The following DOCK7 variants were observed in gnomAD, a reference collection of about 807,000 sequenced individuals.
The protein encoded by DOCK7 is dedicator of cytokinesis protein 7.
Under a neutral mutation model 271.0 loss-of-function variants are expected in DOCK7, and 138 were observed. That is an observed-to-expected ratio of 0.51 (90% CI 0.44 to 0.59). The LOEUF is 0.59. DOCK7 is among the 20% of genes least tolerant of loss of function. The pLI, the probability that DOCK7 is intolerant of heterozygous loss-of-function variation, is 0.00. For synonymous variants in DOCK7, 823 were observed against 876.1 expected (o/e 0.94, Z 1.07); for missense variants, 2,066 against 2,592.4 (o/e 0.80, Z 4.41).
Position 62,521,316 on chromosome 1 carries a change from A to G in DOCK7, c.3936+6835T>C, listed in dbSNP as rs531611150. ...TAACTAAACAATCAAAGAAAAATGCATAGGCTGAAAATACATATCAAAAAA... is the reference window on the plus strand; with the variant it reads ...TAACTAAACAATCAAAGAAAAATGCGTAGGCTGAAAATACATATCAAAAAA... On this transcript the variant is annotated intron_variant, in intron 31 of 49. Coordinates refer to ENST00000635253, the MANE Select transcript of DOCK7 (RefSeq NM_001367561.1). Among the ~76,000 whole-genome samples the G allele has an allele frequency of 2.6e-5, 4 of 152,320 alleles. No homozygotes were observed. The South Asian group carries it at 8.3e-4, about 32-fold the overall frequency.
chr1:62,597,766 A>C (rs772332226), intron 14 of DOCK7: 1 of 1,613,596 alleles, frequency 6.2e-7, no homozygotes. Flanking sequence ...ACGAAGGGCC[A>C]AATTAATGAC....
chr1:62,580,208 A>G (rs751622407), intron 16 of DOCK7, among the ~76,000 whole-genome samples: 63 of 152,216 alleles, frequency 4.1e-4, no homozygotes, highest in Admixed American at 8.5e-4. Flanking sequence ...CCTCAAAAAC[A>G]TTAACAGGTA....
At chr1:62,496,563 C>A in intron 37 of DOCK7, 66 bp from the exon 38 acceptor site, 1 of 1,451,930 alleles carries the variant, frequency 6.9e-7, no homozygotes, top group Admixed American at 2.5e-5. Context: ...TGCTATTTTT[C>A]CTTGCTAAAA....
intron 49 of DOCK7, among the ~76,000 whole-genome samples, chr1:62,457,238 T>TTA: frequency 6.6e-6 from 1 of 152,304 alleles, no homozygotes. Context: ...TGTAGAATGA[T>TTA]TATAGATGAT....
chr1:62,605,674 G>A lies in DOCK7; in HGVS notation c.1682+13032C>T, dbSNP rs546316230. 12 of 152,474 alleles carry A rather than the reference G, an allele frequency of 7.9e-5. No homozygotes were observed. In the South Asian group the frequency reaches 2.1e-3, roughly 26 times the overall value. 9.4% of individuals were successfully genotyped at this position (152,474 alleles called of 1,614,324 possible). ...AATATGCTGTGATTCTAATACATTC[G>A]TGTAGGTTTTCAAGTAGAAATAAAC... On this transcript the variant is annotated intron_variant, in intron 14 of 49. Transcript: ENST00000635253.
intron 7 of DOCK7, among the ~76,000 whole-genome samples, chr1:62,640,436 C>T (rs2149656651): frequency 6.6e-6 from 1 of 152,238 alleles, no homozygotes; most frequent in Admixed American, 6.5e-5. Flanking sequence ...GCAGGAGAAT[C>T]ACTTGAACCC....
Position 62,457,669 on chromosome 1 carries a change from A to C in DOCK7, c.6249T>G (p.Ile2083Met). 6.2e-7 allele frequency: 1 copy of C among 1,613,728 alleles called. No homozygotes were observed. Among genetic ancestry groups the C allele is most frequent in the Non-Finnish European group, 8.5e-7 (1 of 1,179,930 alleles). ...EDALRKNKSLIGPDQKEYQRE... is the reference protein window; with the variant it reads ...EDALRKNKSLMGPDQKEYQRE... ...TTTGATACTCCTTTTGATCCGGCCC[A>C]ATTAAGCTCTTATTTTTTCTTAAGG... The change falls in exon 49 of 50, where the codon ATT becomes ATG. Residue 2083 changes from isoleucine to methionine, a missense_variant. By Grantham distance (10) the Ile-to-Met change is conservative. Around this residue, in one of 2 missense-constraint regions of DOCK7, gnomAD observed 652 missense variants for 922.1 expected, o/e 0.71. Coordinates refer to ENST00000635253, the MANE Select transcript of DOCK7 (RefSeq NM_001367561.1).
rs142435066 is a variant in DOCK7 at position 62,569,903 on chromosome 1, G to A, written c.2112+7359C>T. 5.0e-3 allele frequency among the ~76,000 whole-genome samples: 762 copies of A among 152,078 alleles called. 4 individuals carry two copies. Among genetic ancestry groups the A allele is most frequent in the Non-Finnish European group, 7.3e-3 (495 of 67,990 alleles). On this transcript the variant is annotated intron_variant, in intron 18 of 49. Transcript: ENST00000635253. ...TAATTTTTGTATCTTTAGTAGAGACGGGGTTTCACTATGTTGGCCAGGCTG... is the reference window on the plus strand; with the variant it reads ...TAATTTTTGTATCTTTAGTAGAGACAGGGTTTCACTATGTTGGCCAGGCTG...
intron 15 of DOCK7, among the ~76,000 whole-genome samples, chr1:62,585,492 T>C (rs974487163): frequency 3.3e-5 from 5 of 152,148 alleles, no homozygotes. Context: ...CTCATGAAAC[T>C]TGCATTTATT....
intron 48 of DOCK7, among the ~76,000 whole-genome samples, chr1:62,469,994 C>T (rs1348850700): frequency 1.3e-5 from 2 of 151,460 alleles, no homozygotes; most frequent in Non-Finnish European, 2.9e-5. Flanking sequence ...ACTAGTACAA[C>T]CACTATGGAA....
intron 20 of DOCK7, among the ~76,000 whole-genome samples, chr1:62,557,120 G>A (rs1384279950): frequency 6.7e-6 from 1 of 148,498 alleles, no homozygotes; most frequent in Non-Finnish European, 1.5e-5. Flanking sequence ...GGCTGGTCTG[G>A]AACTCCTAGC....
At chr1:62,624,056 T>C (rs1475953070) in intron 12 of DOCK7, among the ~76,000 whole-genome samples, 17 of 152,192 alleles carry the variant, frequency 1.1e-4, no homozygotes, top group Non-Finnish European at 4.4e-5. Context: ...CTCCAAAACA[T>C]GTACTACTCC....
chr1:62,561,756 TGAAAA>T, intron 18 of DOCK7, 53 bp from the exon 19 acceptor site: 1 of 1,180,074 alleles, frequency 8.5e-7, no homozygotes, highest in Non-Finnish European at 1.2e-6. Context: ...TTATGAACTC[TGAAAA>T]TAAACAAAAA....
At chr1:62,477,581 C>T (rs1261159991) in intron 44 of DOCK7, 119 bp downstream of exon 44, 38 of 1,056,224 alleles carry the variant, frequency 3.6e-5, no homozygotes, top group East Asian at 2.4e-4. Context: ...TATTCTCTAA[C>T]GGAGTAGTTT....
intron 37 of DOCK7, among the ~76,000 whole-genome samples, chr1:62,504,000 T>C (rs1003086029): frequency 6.8e-6 from 1 of 147,306 alleles, no homozygotes; most frequent in South Asian, 2.1e-4. Flanking sequence ...TGAGCCAAGA[T>C]CACGCCACTG....
intron 14 of DOCK7, among the ~76,000 whole-genome samples, chr1:62,599,264 C>T (rs1414716588): frequency 4.6e-5 from 7 of 151,968 alleles, no homozygotes; most frequent in East Asian, 1.9e-4. Context: ...TTATTCTGAC[C>T]GCTTTACCAG....
intron 33 of DOCK7, among the ~76,000 whole-genome samples, chr1:62,513,140 T>C (rs1644538744): frequency 6.6e-6 from 1 of 150,734 alleles, no homozygotes; most frequent in Non-Finnish European, 1.5e-5. Flanking sequence ...AAAAATAAAG[T>C]CTATTTAAAA....
At chr1:62,601,804 G>A in intron 14 of DOCK7, 1 of 1,609,618 alleles carries the variant, frequency 6.2e-7, no homozygotes, top group Non-Finnish European at 8.5e-7. Context: ...TTATAACAGA[G>A]GTGAACATAC....
intron 41 of DOCK7, among the ~76,000 whole-genome samples, chr1:62,489,991 G>C (rs1213016656): frequency 2.0e-5 from 3 of 151,128 alleles, no homozygotes; most frequent in Non-Finnish European, 2.9e-5. Flanking sequence ...GCCAGTGGTT[G>C]CTATGGTTAT....
Sources: allele counts gnomAD v4.1 joint callset (sites outside exome capture counted in the v4.1 genomes callset), GRCh38; gene constraint gnomAD v4.1.1; regional missense constraint gnomAD v4.1.1; transcripts MANE v1.5; gene names NCBI Gene and HGNC (gene_info 2026-07-23, HGNC 2026-07-21).